Variants in ZNF333 observed in about 807,000 individuals in gnomAD.
ZNF333 encodes zinc finger protein 333.
In ZNF333, 61 loss-of-function variants were observed where a neutral mutation model predicts 76.1. The observed-to-expected ratio is 0.80, with a 90% CI of 0.65 to 0.99. The LOEUF (loss-of-function observed/expected upper bound fraction) is 0.99. Ranked by LOEUF, ZNF333 falls within the 50% of genes least tolerant of loss-of-function variation. The pLI is 0.00. For missense variants in ZNF333, 717 were observed against 822.4 expected (o/e 0.87, Z 1.57); for synonymous variants, 284 against 305.0 (o/e 0.93, Z 0.72).
intron 7 of ZNF333, among the ~76,000 whole-genome samples, chr19:14,714,247 A>G (rs1055567548): frequency 1.3e-5 from 2 of 152,182 alleles, no homozygotes; most frequent in African/African-American, 4.8e-5. Context: ...CTTATTGGAA[A>G]TAGGGTCTTT....
At chr19:14,711,491 G>C (rs2042273948) in intron 7 of ZNF333, among the ~76,000 whole-genome samples, 1 of 151,926 alleles carries the variant, frequency 6.6e-6, no homozygotes, top group Admixed American at 6.6e-5. Context: ...GCAACATAGC[G>C]AGACCCCATC....
At chr19:14,695,921 G>T (rs147433535) in intron 4 of ZNF333, among the ~76,000 whole-genome samples, 1 of 152,312 alleles carries the variant, frequency 6.6e-6, no homozygotes, top group African/African-American at 2.4e-5. Context: ...GCTCTTGCAT[G>T]TAATCCCAGC....
At chr19:14,693,580 T>A (rs1972928914) in intron 2 of ZNF333, 86 bp downstream of exon 2, 1 of 1,471,182 alleles carries the variant, frequency 6.8e-7, no homozygotes, top group East Asian at 2.3e-5. Flanking sequence ...CTCTCGCCAC[T>A]TCCGTCCCCA....
intron 11 of ZNF333, 77 bp downstream of exon 11, chr19:14,717,810 C>A: frequency 1.4e-6 from 2 of 1,443,896 alleles, no homozygotes; most frequent in Non-Finnish European, 1.9e-6. Flanking sequence ...AGAAAAGCAG[C>A]CCAAGAGCCA....
intron 8 of ZNF333, among the ~76,000 whole-genome samples, 186 bp from the exon 9 acceptor site, chr19:14,715,926 G>A (rs2042416293): frequency 6.6e-6 from 1 of 152,146 alleles, no homozygotes; most frequent in Non-Finnish European, 1.5e-5. Context: ...CTTAAGGAGT[G>A]GAGAGTAGAG....
Position 14,705,078 on chromosome 19 carries a change from C to A in ZNF333, c.331C>A (p.Gln111Lys). Reference sequence around the variant, plus strand: ...GGGGCCGGGGCTGTTCCTGAGGATGCAGCTGGTGCCCTCCATAGAAGAGAG... The same window carrying A: ...GGGGCCGGGGCTGTTCCTGAGGATGAAGCTGGTGCCCTCCATAGAAGAGAG... ...QMGPGLFLRM[Q>K]LVPSIEERET... Residue 111 changes from glutamine (Q) to lysine (K), a missense_variant, in exon 6 of 12, where the codon CAG becomes AAG. By Grantham distance (53) the Gln-to-Lys change is moderately conservative. Coordinates refer to ENST00000292530, the MANE Select transcript of ZNF333 (RefSeq NM_032433.4). 6.2e-7 allele frequency: 1 copy of A among 1,614,010 alleles called. No homozygotes were observed. Among genetic ancestry groups the A allele is most frequent in the Non-Finnish European group, 8.5e-7 (1 of 1,179,928 alleles).
rs961212810 is a variant in ZNF333, at chr19:14,695,468, A to G, written c.128-98A>G. The G allele has an allele frequency of 3.8e-5, 44 of 1,156,848 alleles. No individual in the cohort carries two copies. The African/African-American group carries it at 4.0e-4, about 10-fold the overall frequency. 71.7% of individuals were successfully genotyped at this position (1,156,848 alleles called of 1,614,324 possible). ...GCTCAGCCCAGAGAATCTGAAGCCC[A>G]TATTGAAGCTGAAGGAGAGTTTGAG... On this transcript the variant is annotated intron_variant, in intron 3 of 11. Coordinates refer to ENST00000292530, the MANE Select transcript of ZNF333 (RefSeq NM_032433.4).
chr19:14,700,207 G>A (rs1973579855), intron 5 of ZNF333: 1 of 151,728 alleles, frequency 6.6e-6, no homozygotes, highest in Admixed American at 6.6e-5. Context: ...TTTTCTTAGA[G>A]ATGGGGTCTT....
intron 1 of ZNF333, among the ~76,000 whole-genome samples, chr19:14,690,966 G>C (rs1972722386): frequency 2.0e-5 from 3 of 152,006 alleles, no homozygotes. Context: ...AGTGGTGGGC[G>C]CCTGTAATCC....
chr19:14,715,512 CA>C (rs777639659), intron 8 of ZNF333, 42 bp downstream of exon 8: 4 of 1,580,780 alleles, frequency 2.5e-6, no homozygotes, highest in Non-Finnish European at 3.5e-6. Context: ...CTGCTGTGCC[CA>C]AAGGCTGGAC....
At chr19:14,696,030 A>G (rs1049490368) in intron 4 of ZNF333, among the ~76,000 whole-genome samples, 1 of 152,120 alleles carries the variant, frequency 6.6e-6, no homozygotes, top group East Asian at 1.9e-4. Context: ...AATTAGCCGG[A>G]TGTGATGGTG....
chr19:14,708,063 A>G, intron 7 of ZNF333: 1 of 395,226 alleles, frequency 2.5e-6, no homozygotes. Flanking sequence ...GCTGGAGTGC[A>G]GTGGCACGAT....
rs762421398 is a variant in ZNF333, at chr19:14,731,233, CTAGAATCCAACCTCTGGATATCAAAGGA to C, written c.*49_*76del. On this transcript the variant is annotated 3_prime_UTR_variant, in exon 12 of 12. Coordinates refer to the ZNF333 transcript ENST00000540689. ...AGTACTCTCTTGCATGTTCAGATCG[CTAGAATCCAACCTCTGGATATCAAAGGA>C]TCACTACTGGGGCTTGAAGACTCCA... 42 of 1,516,386 alleles carry C rather than the reference CTAGAATCCAACCTCTGGATATCAAAGGA, an allele frequency of 2.8e-5. No individual in the cohort carries two copies. In the African/African-American group the frequency reaches 5.4e-4, roughly 19 times the overall value. 93.9% of individuals were successfully genotyped at this position (1,516,386 alleles called of 1,614,324 possible). A position where few individuals can be genotyped will look rare whatever the true frequency, so the allele number is the denominator to read the frequency against.
rs1427471320 is a variant in ZNF333, at chr19:14,721,272, T to A, written c.*1947T>A. On this transcript the variant is annotated 3_prime_UTR_variant, in exon 12 of 12. Transcript: ENST00000292530. ...GACCCAGGGGACTAGTCTCCATTTT[T>A]ACTTGTTCTTTTTTTTTTTTTTTTT... is the stretch of plus-strand genomic sequence containing the variant. The A allele has an allele frequency of 7.1e-6, 1 of 140,458 alleles. No individual in the cohort carries two copies. Among genetic ancestry groups the A allele is most frequent in the Non-Finnish European group, 1.5e-5 (1 of 65,928 alleles). 8.7% of individuals were successfully genotyped at this position (140,458 alleles called of 1,614,324 possible).
chr19:14,701,551 A>G, intron 5 of ZNF333: 1 of 984,962 alleles, frequency 1.0e-6, no homozygotes, highest in Non-Finnish European at 1.2e-6. Context: ...TCCAGTTCCC[A>G]TCCTCCACCT....
At chr19:14,722,228 A>G (rs1447080058), downstream of ZNF333, among the ~76,000 whole-genome samples, 1 of 152,194 alleles carries the variant, frequency 6.6e-6, no homozygotes, top group Non-Finnish European at 1.5e-5. Flanking sequence ...CTCTATGTAT[A>G]TGTCTTTTCC....
At chr19:14,732,052 C>A (rs898328212) in exon 12 of ZNF333, 2 of 152,172 alleles carry the variant, frequency 1.3e-5, no homozygotes, top group African/African-American at 2.4e-5. Context: ...TCTTACAAAT[C>A]ATCAATATTC....
chr19:14,708,407 G>A (rs576953043), intron 7 of ZNF333: 6 of 401,252 alleles, frequency 1.5e-5, no homozygotes, highest in South Asian at 1.3e-4. Context: ...CCCCTCCTCC[G>A]TGGAGCTCAC....
chr19:14,694,863 A>G (rs1162642572), intron 2 of ZNF333, 147 bp from the exon 3 acceptor site: 2 of 1,316,044 alleles, frequency 1.5e-6, no homozygotes, highest in Admixed American at 2.1e-5. Context: ...CTGTGTGCCA[A>G]GAAAACATTA....
Sources: gnomAD v4.1 joint callset for allele counts (sites outside exome capture counted in the v4.1 genomes callset) on GRCh38, gnomAD v4.1.1 for gene constraint, MANE v1.5 for transcripts, NCBI Gene and HGNC (gene_info 2026-07-23, HGNC 2026-07-21) for gene names.